The following MARCHF11 variants were observed in gnomAD, a reference collection of about 807,000 sequenced individuals.
The protein encoded by MARCHF11 is E3 ubiquitin-protein ligase MARCHF11.
Under a neutral mutation model 37.3 loss-of-function variants are expected in MARCHF11, and 29 were observed. The ratio of observed to expected loss-of-function variants is 0.78; its 90% CI spans 0.58 to 1.06. The LOEUF (loss-of-function observed/expected upper bound fraction) is 1.06. Among genes scored for constraint, MARCHF11 ranks in the 50% least tolerant of loss-of-function variants. MARCHF11 has a pLI of 0.00. For synonymous variants in MARCHF11, 233 were observed against 228.0 expected (o/e 1.02, Z -0.20); for missense variants, 482 against 533.4 (o/e 0.90, Z 0.95).
intron 2 of MARCHF11, among the ~76,000 whole-genome samples, chr5:16,124,981 A>G (rs1737377469): frequency 6.6e-6 from 1 of 151,446 alleles, no homozygotes; most frequent in South Asian, 2.1e-4. Context: ...CTCTAGAAAC[A>G]TGGCTGCACT....
chr5:16,152,171 AT>A (rs531589110), intron 2 of MARCHF11, among the ~76,000 whole-genome samples: 10 of 151,966 alleles, frequency 6.6e-5, no homozygotes, highest in South Asian at 6.2e-4. Context: ...TCCCAAATGC[AT>A]TTTTTTGTAT....
chr5:16,093,847 TAAG>T (rs1453164765), intron 2 of MARCHF11, among the ~76,000 whole-genome samples: 1 of 152,212 alleles, frequency 6.6e-6, no homozygotes, highest in Non-Finnish European at 1.5e-5. Context: ...GTTGTAAATA[TAAG>T]AAGTAATTTG....
intron 3 of MARCHF11, among the ~76,000 whole-genome samples, chr5:16,077,236 A>G (rs1736536318): frequency 6.6e-6 from 1 of 152,146 alleles, no homozygotes; most frequent in African/African-American, 2.4e-5. Context: ...CAGTTCTTAG[A>G]AAGAGACTTT....
chr5:16,077,976 C>T (rs955568414), intron 3 of MARCHF11, among the ~76,000 whole-genome samples: 15 of 152,248 alleles, frequency 9.9e-5, no homozygotes, highest in African/African-American at 3.1e-4. Context: ...ATCAGTTCAT[C>T]TATTATTTAA....
chr5:16,113,539 A>G (rs1737182677), intron 2 of MARCHF11, among the ~76,000 whole-genome samples: 4 of 152,110 alleles, frequency 2.6e-5, no homozygotes, highest in South Asian at 4.1e-4. Flanking sequence ...AAAAACCACA[A>G]TGACTTTTGC....
rs1218552246 is a variant in MARCHF11 at position 16,167,546 on chromosome 5, C to T, written c.693+10180G>A. On this transcript the variant is annotated intron_variant, in intron 2 of 3. Coordinates refer to ENST00000332432, the MANE Select transcript of MARCHF11 (RefSeq NM_001102562.3). The stretch of plus-strand genomic sequence containing the variant: ...CCACATGAGGGAGGCCATCTGCTTT[C>T]GAGTGTGCTTTATCGGTCTACCAAC... Among the ~76,000 whole-genome samples, 6 of 152,184 alleles carry T rather than the reference C, an allele frequency of 3.9e-5. 1 individual carries two copies. Among genetic ancestry groups the T allele is most frequent in the Non-Finnish European group, 4.4e-5 (3 of 67,982 alleles).
rs185327452 is a variant in MARCHF11, at chr5:16,076,141, A to G, written c.887-8348T>C. ...TAAGAAGCCAATGAATCAATCATTT[A>G]ACTGATTTTTAAAATTCCTTGTAGA... On this transcript the variant is annotated intron_variant, in intron 3 of 3. Transcript: ENST00000332432. 2.8e-3 allele frequency among the ~76,000 whole-genome samples: 421 copies of G among 152,364 alleles called. 5 individuals carry two copies. The highest frequency in any genetic ancestry group is 9.1e-3 in the African/African-American group (379 of 41,592).
intron 2 of MARCHF11, among the ~76,000 whole-genome samples, chr5:16,145,917 T>G (rs544604688): frequency 6.6e-6 from 1 of 152,322 alleles, no homozygotes; most frequent in African/African-American, 2.4e-5. Context: ...TTCACCTTTT[T>G]TATGAACTGA....
At chr5:16,107,277 G>A (rs1271288441) in intron 2 of MARCHF11, among the ~76,000 whole-genome samples, 1 of 151,778 alleles carries the variant, frequency 6.6e-6, no homozygotes, top group Non-Finnish European at 1.5e-5. Context: ...TGCTTAAAGT[G>A]AAGAAATAAA....
At chr5:16,163,515 T>C (rs1448499868) in intron 2 of MARCHF11, among the ~76,000 whole-genome samples, 1 of 152,052 alleles carries the variant, frequency 6.6e-6, no homozygotes, top group African/African-American at 2.4e-5. Context: ...AGGAATAATA[T>C]CACACAGGTC....
chr5:16,143,775 C>T (rs1308661827), intron 2 of MARCHF11, among the ~76,000 whole-genome samples: 1 of 152,196 alleles, frequency 6.6e-6, no homozygotes, highest in Admixed American at 6.5e-5. Flanking sequence ...TGGCATGGAG[C>T]AGAGGTACAG....
chr5:16,114,059 C>T (rs1247471703), intron 2 of MARCHF11, among the ~76,000 whole-genome samples: 2 of 151,490 alleles, frequency 1.3e-5, no homozygotes, highest in South Asian at 2.1e-4. Context: ...TCTTTCTGTG[C>T]CTGGCTTATT....
intron 2 of MARCHF11, among the ~76,000 whole-genome samples, chr5:16,112,380 G>A (rs541914088): frequency 6.6e-6 from 1 of 152,342 alleles, no homozygotes; most frequent in South Asian, 2.1e-4. Flanking sequence ...TGACCTGGAT[G>A]TGAGACATGA....
chr5:16,107,902 C>T (rs922648978), intron 2 of MARCHF11, among the ~76,000 whole-genome samples: 9 of 151,960 alleles, frequency 5.9e-5, no homozygotes, highest in Non-Finnish European at 1.0e-4. Flanking sequence ...ATCATCTTCC[C>T]ACTCCATCCC....
intron 2 of MARCHF11, among the ~76,000 whole-genome samples, chr5:16,125,619 C>CTGTGTG (rs34769733): frequency 6.9e-4 from 98 of 142,368 alleles, no homozygotes; most frequent in Middle Eastern, 3.5e-3. Flanking sequence ...GGCACACTCT[C>CTGTGTG]TGTGTGTGTG....
chr5:16,135,498 T>C (rs1357550940), intron 2 of MARCHF11, among the ~76,000 whole-genome samples: 1 of 152,214 alleles, frequency 6.6e-6, no homozygotes, highest in Admixed American at 6.6e-5. Flanking sequence ...CAGTCTCTTC[T>C]GAATACTGCC....
rs1361584350 is a variant in MARCHF11 at position 16,169,420 on chromosome 5, A to C, written c.693+8306T>G. ...GGACATCCATTGTACAGGTGTCATC[A>C]ATAAAAATGAACCAACTCAAAGAGG... On this transcript the variant is annotated intron_variant, in intron 2 of 3. Coordinates refer to ENST00000332432, the MANE Select transcript of MARCHF11 (RefSeq NM_001102562.3). 2.6e-5 allele frequency among the ~76,000 whole-genome samples: 4 copies of C among 152,246 alleles called. No individual in the cohort carries two copies. The East Asian group carries it at 7.7e-4, about 29-fold the overall frequency.
intron 3 of MARCHF11, among the ~76,000 whole-genome samples, chr5:16,083,246 C>T (rs1411723289): frequency 6.6e-6 from 1 of 152,144 alleles, no homozygotes; most frequent in Non-Finnish European, 1.5e-5. Context: ...TCAGACCACA[C>T]TGGATTCTGG....
chr5:16,067,958 C>T lies in MARCHF11; in HGVS notation c.887-165G>A, dbSNP rs529916144. On this transcript the variant is annotated intron_variant, in intron 3 of 3. Coordinates refer to ENST00000332432, the MANE Select transcript of MARCHF11 (RefSeq NM_001102562.3). Reference sequence around the variant, plus strand: ...TATTATGGCTAATGGCAAGTTACTACCCATATGACACAGAAATAATCCATT... The same window carrying T: ...TATTATGGCTAATGGCAAGTTACTATCCATATGACACAGAAATAATCCATT... Among the ~76,000 whole-genome samples, 4 of 152,248 alleles carry T rather than the reference C, an allele frequency of 2.6e-5. No individual in the cohort carries two copies. In the South Asian group the frequency reaches 8.3e-4, roughly 32 times the overall value.
Sources: allele counts gnomAD v4.1 joint callset (sites outside exome capture counted in the v4.1 genomes callset), GRCh38; gene constraint gnomAD v4.1.1; transcripts MANE v1.5; gene names NCBI Gene and HGNC (gene_info 2026-07-23, HGNC 2026-07-21).